Variants in TMEM68 observed in about 807,000 individuals in gnomAD.
TMEM68 encodes the protein DGAT1/2-independent enzyme synthesizing storage lipids.
A neutral mutation model predicts 36.9 loss-of-function variants in TMEM68; 25 were observed. That is an observed-to-expected ratio of 0.68 (90% CI 0.49 to 0.95). TMEM68 has a LOEUF of 0.95. Ranked by LOEUF, TMEM68 falls within the 40% of genes least tolerant of loss-of-function variation. The pLI is 0.00. For synonymous variants in TMEM68, 131 were observed against 124.4 expected (o/e 1.05, Z -0.35); for missense variants, 333 against 392.0 (o/e 0.85, Z 1.27).
chr8:55,754,459 A>ATG (rs1418251549), intron 4 of TMEM68, among the ~76,000 whole-genome samples: 2 of 113,660 alleles, frequency 1.8e-5, no homozygotes, highest in African/African-American at 7.7e-5. Context: ...ATATATATAT[A>ATG]TATATATACA....
chr8:55,750,974 T>C lies in TMEM68; in HGVS notation c.677A>G (p.Asp226Gly). Residue 226 changes from aspartate to glycine, a missense_variant, in exon 5 of 8, where the codon GAT becomes GGT. Physicochemically the swap from Asp to Gly is moderately conservative, Grantham distance 94. Coordinates refer to ENST00000434581, the MANE Select transcript of TMEM68 (RefSeq NM_001286657.2). Reference sequence around the variant, plus strand: ...TTTTATATAACTCACCACTTTTGCATCAATTGCAACCTGAGCAAAGCCTCT... The same window carrying C: ...TTTTATATAACTCACCACTTTTGCACCAATTGCAACCTGAGCAAAGCCTCT... ...HRRGFAQVAI[D>G]AKVPIIPMFT... is the part of the protein sequence containing the mutation. 1.2e-6 allele frequency: 2 copies of C among 1,602,930 alleles called. No individual in the cohort carries two copies. Among genetic ancestry groups the C allele is most frequent in the Non-Finnish European group, 1.7e-6 (2 of 1,177,418 alleles).
chr8:55,765,782 A>G (rs1051610900), intron 1 of TMEM68, among the ~76,000 whole-genome samples: 3 of 152,232 alleles, frequency 2.0e-5, no homozygotes, highest in African/African-American at 7.2e-5. Context: ...ACAGTGGATG[A>G]CATGAATGGG....
intron 4 of TMEM68, among the ~76,000 whole-genome samples, chr8:55,751,920 G>T (rs764708120): frequency 6.6e-6 from 1 of 152,126 alleles, no homozygotes; most frequent in Non-Finnish European, 1.5e-5. Flanking sequence ...TAAAAACTAC[G>T]CAGACTGGTC....
intron 5 of TMEM68, among the ~76,000 whole-genome samples, chr8:55,748,961 A>G (rs1810359499): frequency 6.6e-6 from 1 of 152,200 alleles, no homozygotes; most frequent in Non-Finnish European, 1.5e-5. Context: ...AATGTGGGAG[A>G]CATTGTGAAA....
intron 3 of TMEM68, among the ~76,000 whole-genome samples, chr8:55,760,216 T>G (rs1439372188): frequency 1.3e-5 from 2 of 152,258 alleles, no homozygotes; most frequent in African/African-American, 4.8e-5. Context: ...CAACTATGCC[T>G]CAGAGGAAAA....
At chr8:55,751,482 A>G in intron 4 of TMEM68, 1 of 435,832 alleles carries the variant, frequency 2.3e-6, no homozygotes, top group Non-Finnish European at 4.4e-6. Context: ...TTCCAGAGAT[A>G]GGATTCTAAT....
intron 4 of TMEM68, among the ~76,000 whole-genome samples, chr8:55,754,466 TACACACACACACAC>T (rs71256558): frequency 2.5e-5 from 3 of 118,946 alleles, no homozygotes; most frequent in African/African-American, 1.1e-4. Context: ...TATATATATA[TACACACACACACAC>T]ACACACACAC....
At chr8:55,749,127 A>G (rs961851027) in intron 5 of TMEM68, among the ~76,000 whole-genome samples, 2 of 152,224 alleles carry the variant, frequency 1.3e-5, no homozygotes, top group Non-Finnish European at 2.9e-5. Flanking sequence ...TTACTTTACA[A>G]TTACAGTAAA....
At chr8:55,765,435 T>C (rs1009878929) in intron 1 of TMEM68, among the ~76,000 whole-genome samples, 3 of 152,204 alleles carry the variant, frequency 2.0e-5, no homozygotes, top group African/African-American at 7.2e-5. Context: ...GTGCCTCCGT[T>C]TGCTAAAACC....
At chr8:55,764,363 C>T (rs563881679) in intron 1 of TMEM68, among the ~76,000 whole-genome samples, 1 of 152,126 alleles carries the variant, frequency 6.6e-6, no homozygotes, top group South Asian at 2.1e-4. Context: ...ATTATATTAG[C>T]CCTATGATAA....
At chr8:55,758,363 T>C (rs1810672014) in intron 3 of TMEM68, among the ~76,000 whole-genome samples, 1 of 152,104 alleles carries the variant, frequency 6.6e-6, no homozygotes, top group Admixed American at 6.5e-5. Context: ...TAAATACTAT[T>C]TACCTCAGTT....
In TMEM68 at chr8:55,763,036, G is replaced by A. The variant is rs1810850112; in HGVS notation, c.-69-8C>T. 9.8e-6 allele frequency: 14 copies of A among 1,424,610 alleles called. No individual in the cohort carries two copies. In the South Asian group the frequency reaches 1.0e-4, roughly 11 times the overall value. 88.2% of individuals were successfully genotyped at this position (1,424,610 alleles called of 1,614,324 possible). Reference sequence around the variant, plus strand: ...AGGTCGCTAATTTTGACACTAGAAGGGAAAAATAATCCAGTATTATTTTCT... The same window carrying A: ...AGGTCGCTAATTTTGACACTAGAAGAGAAAAATAATCCAGTATTATTTTCT... On this transcript the variant is annotated splice_polypyrimidine_tract_variant and splice_region_variant and intron_variant, in intron 2 of 7. Coordinates refer to ENST00000434581, the MANE Select transcript of TMEM68 (RefSeq NM_001286657.2).
In TMEM68 at chr8:55,773,373, G is replaced by C. The variant is rs1338193979; in HGVS notation, c.-219C>G. 1.2e-5 allele frequency: 5 copies of C among 415,844 alleles called. No individual in the cohort carries two copies. The highest frequency in any genetic ancestry group is 8.4e-5 in the South Asian group (2 of 23,888). The allele number at this position is 415,844 out of a possible 1,614,324, so 25.8% of individuals were successfully genotyped here. A position where few individuals can be genotyped will look rare whatever the true frequency, so the allele number is the denominator to read the frequency against. ...CAACCCGTGTGAAAGAAGCCAAGCG[G>C]CGGCTGCAGCCCGGGCCGCGATGGG... On this transcript the variant is annotated 5_prime_UTR_variant, in exon 1 of 8. Coordinates refer to ENST00000434581, the MANE Select transcript of TMEM68 (RefSeq NM_001286657.2).
chr8:55,750,739 C>A, intron 5 of TMEM68: 1 of 395,462 alleles, frequency 2.5e-6, no homozygotes, highest in Admixed American at 4.6e-5. Flanking sequence ...GGGGTTTCAT[C>A]ATGTTGGCCA....
At chr8:55,761,773 T>C (rs1009423448) in intron 3 of TMEM68, 3 of 152,242 alleles carry the variant, frequency 2.0e-5, no homozygotes, top group African/African-American at 4.8e-5. Context: ...TTTCTGCTAA[T>C]AGCAGCCTAA....
chr8:55,762,412 G>T, intron 3 of TMEM68: 1 of 682,168 alleles, frequency 1.5e-6, no homozygotes, highest in Non-Finnish European at 2.3e-6. Context: ...AGTCTACAGT[G>T]CTGCGTGGTT....
At chr8:55,740,633 G>C (rs927806914) in intron 7 of TMEM68, among the ~76,000 whole-genome samples, 16 of 151,942 alleles carry the variant, frequency 1.1e-4, no homozygotes, top group Admixed American at 3.9e-4. Flanking sequence ...GACTTAAAGA[G>C]GAAAAAAAAT....
chr8:55,755,039 T>C lies in TMEM68; in HGVS notation c.493+1205A>G, dbSNP rs1027270038. Among the ~76,000 whole-genome samples the C allele has an allele frequency of 2.7e-5, 4 of 148,986 alleles. No individual in the cohort carries two copies. The South Asian group carries it at 8.3e-4, about 31-fold the overall frequency. Reference sequence around the variant, plus strand: ...CACGGCTGGGTGCAGTGGCTCGCACTTGTAATCCCAAAACTTTTGAAGGCC... The same window carrying C: ...CACGGCTGGGTGCAGTGGCTCGCACCTGTAATCCCAAAACTTTTGAAGGCC... On this transcript the variant is annotated intron_variant, in intron 4 of 7. Transcript: ENST00000434581.
chr8:55,750,557 T>C (rs1450585040), intron 5 of TMEM68, among the ~76,000 whole-genome samples: 1 of 151,144 alleles, frequency 6.6e-6, no homozygotes, highest in Non-Finnish European at 1.5e-5. Flanking sequence ...TTTTTTTTTT[T>C]CTGAGACAGT....
Sources: allele counts gnomAD v4.1 joint callset (sites outside exome capture counted in the v4.1 genomes callset), GRCh38; gene constraint gnomAD v4.1.1; transcripts MANE v1.5; gene names NCBI Gene and HGNC (gene_info 2026-07-23, HGNC 2026-07-21).